The following MYOM2 variants were observed in gnomAD, a reference collection of about 807,000 sequenced individuals.
The protein encoded by MYOM2 is myomesin 2, also known as myomesin-2.
Under a neutral mutation model 187.6 loss-of-function variants are expected in MYOM2, and 254 were observed. That is an observed-to-expected ratio of 1.35 (90% confidence interval 1.22 to 1.50). The LOEUF (loss-of-function observed/expected upper bound fraction) is 1.50. Among genes scored for constraint, MYOM2 ranks in the 40% most tolerant of loss-of-function variants. The probability of loss-of-function intolerance (pLI) is 0.00; values close to 1 mark genes in which losing one functional copy is unlikely to be tolerated. For missense variants in MYOM2, 2,796 were observed against 1,924.0 expected (o/e 1.45, Z -8.48); for synonymous variants, 981 against 753.8 (o/e 1.30, Z -4.94).
At chr8:2,073,745 C>T (rs1407480574) in intron 10 of MYOM2, among the ~76,000 whole-genome samples, 1 of 152,210 alleles carries the variant, frequency 6.6e-6, no homozygotes, top group Non-Finnish European at 1.5e-5. Context: ...TTTTTTGTCT[C>T]TTGAATCGTT....
At chr8:2,052,394 C>T (rs17757454) in intron 3 of MYOM2, 81 bp downstream of exon 3, 25,731 of 1,413,400 alleles carry the variant, frequency 0.018, 1,072 homozygotes, top group East Asian at 0.13. Flanking sequence ...GAGGGAAGAG[C>T]GACCTTAGCT....
chr8:2,092,057 A>T (rs953699947), intron 15 of MYOM2, among the ~76,000 whole-genome samples: 1 of 112,108 alleles, frequency 8.9e-6, no homozygotes, highest in African/African-American at 3.1e-5. Flanking sequence ...GCCAACAGAG[A>T]GTCTTTTAAA....
At chr8:2,070,964 T>TTTTA (rs996058428) in intron 8 of MYOM2, among the ~76,000 whole-genome samples, 1 of 151,912 alleles carries the variant, frequency 6.6e-6, no homozygotes, top group South Asian at 2.1e-4. Context: ...AATTTTTTAT[T>TTTTA]TTTATTTATT....
intron 32 of MYOM2, among the ~76,000 whole-genome samples, chr8:2,134,005 C>CATCTTAGGTA: frequency 6.6e-6 from 1 of 150,460 alleles, no homozygotes; most frequent in East Asian, 2.0e-4. Flanking sequence ...CTGAGGTTAA[C>CATCTTAGGTA]GCCTTGTGTA....
intron 15 of MYOM2, among the ~76,000 whole-genome samples, chr8:2,091,937 G>C (rs573018502): frequency 6.6e-6 from 1 of 152,294 alleles, no homozygotes; most frequent in African/African-American, 2.4e-5. Flanking sequence ...CGAATTTTGA[G>C]TGCCCCTCGG....
chr8:2,048,892 C>A (rs1009652136), intron 1 of MYOM2, among the ~76,000 whole-genome samples: 7 of 151,934 alleles, frequency 4.6e-5, no homozygotes, highest in African/African-American at 1.7e-4. Flanking sequence ...CAGGTTCACG[C>A]CATTCTCCTG....
rs73657724 is a variant in MYOM2, at chr8:2,096,230, G to A, written c.2126-17G>A. 7.9e-3 allele frequency: 12,766 copies of A among 1,608,144 alleles called. 841 individuals are homozygous for A. The African/African-American group carries it at 0.15, about 19-fold the overall frequency. On this transcript the variant is annotated splice_polypyrimidine_tract_variant and intron_variant, in intron 17 of 36. Coordinates refer to ENST00000262113, the MANE Select transcript of MYOM2 (RefSeq NM_003970.4). ...AGCTGAGGCCCTCGGTAACTCCCTG[G>A]TTGTGCTTCCTTGCAGCCGTCCCGT...
chr8:2,122,280 G>T (rs908163530), intron 28 of MYOM2, among the ~76,000 whole-genome samples: 8 of 152,192 alleles, frequency 5.3e-5, no homozygotes, highest in Admixed American at 5.2e-4. Context: ...TGATTTAGAA[G>T]GAAGACACTA....
chr8:2,139,219 C>T (rs1278330631), intron 32 of MYOM2, among the ~76,000 whole-genome samples: 2 of 152,230 alleles, frequency 1.3e-5, no homozygotes, highest in Non-Finnish European at 2.9e-5. Flanking sequence ...CAGCTCACTG[C>T]AGCCTTGACC....
At chr8:2,066,568 G>A (rs1195059950) in intron 6 of MYOM2, among the ~76,000 whole-genome samples, 5 of 152,194 alleles carry the variant, frequency 3.3e-5, no homozygotes, top group African/African-American at 9.6e-5. Flanking sequence ...AGTAACATGA[G>A]CACAAAGTAA....
chr8:2,086,259 C>CCT (rs1428707454), intron 14 of MYOM2, among the ~76,000 whole-genome samples: 2 of 125,768 alleles, frequency 1.6e-5, no homozygotes, highest in African/African-American at 2.8e-5. Flanking sequence ...TGCGTGGCCC[C>CCT]ACTGTCATGA....
At chr8:2,143,364 C>A (rs1231063659) in intron 35 of MYOM2, 37 bp from the exon 36 acceptor site, 6 of 1,613,736 alleles carry the variant, frequency 3.7e-6, no homozygotes, top group Non-Finnish European at 5.1e-6. Flanking sequence ...GAACGTCCCG[C>A]AGATGTTTTC....
In MYOM2 at chr8:2,089,994, G is replaced by C. The variant is rs745675009; in HGVS notation, c.1645-14G>C. The C allele has an allele frequency of 6.2e-7, 1 of 1,612,704 alleles. No homozygotes were observed. The highest frequency in any genetic ancestry group is 8.5e-7 in the Non-Finnish European group (1 of 1,179,138). On this transcript the variant is annotated splice_polypyrimidine_tract_variant and intron_variant, in intron 14 of 36. Coordinates refer to ENST00000262113, the MANE Select transcript of MYOM2 (RefSeq NM_003970.4). Reference sequence around the variant, plus strand: ...GGTTTTCACTGCCAGTCTCGTTTCTGTTTCTCTTTGTAGTCCGTGGTGGGG... The same window carrying C: ...GGTTTTCACTGCCAGTCTCGTTTCTCTTTCTCTTTGTAGTCCGTGGTGGGG...
rs139916498 is a variant in MYOM2 at position 2,090,163 on chromosome 8, G to A, written c.1800G>A (p.Thr600=). ...GCCTGAGCGAACCTTCGGAGATAAC[G>A]TCCCCCATTCAGGCCCAGGATGTGA... is the stretch of plus-strand genomic sequence containing the variant. ...RHGLSEPSEI[T]SPIQAQDVTV... Residue 600 remains threonine (T), a synonymous_variant, in exon 15 of 37, where the codon ACG becomes ACA. Transcript: ENST00000262113. The A allele has an allele frequency of 1.2e-4, 199 of 1,613,898 alleles. No individual in the cohort carries two copies. Among genetic ancestry groups the A allele is most frequent in the African/African-American group, 1.7e-4 (13 of 75,026 alleles).
chr8:2,116,375 C>G lies in MYOM2; in HGVS notation c.3385+100C>G, dbSNP rs543531908. Reference sequence around the variant, plus strand: ...AGATCTTGCATGATCCCAAGCAACCCTAAAGGCTGTTTTAAATGATTAAGA... The same window carrying G: ...AGATCTTGCATGATCCCAAGCAACCGTAAAGGCTGTTTTAAATGATTAAGA... On this transcript the variant is annotated intron_variant, in intron 27 of 36. Transcript: ENST00000262113. The G allele has an allele frequency of 8.9e-5, 104 of 1,165,446 alleles. 1 individual carries two copies. The highest frequency in any genetic ancestry group is 1.1e-4 in the Non-Finnish European group (87 of 827,088). The allele number at this position is 1,165,446 out of a possible 1,614,324, so 72.2% of individuals were successfully genotyped here. A position where few individuals can be genotyped will look rare whatever the true frequency, so the allele number is the denominator to read the frequency against.
rs916517891 is a variant in MYOM2 at position 2,131,312 on chromosome 8, G to T, written c.3800+2080G>T. 3.3e-5 allele frequency among the ~76,000 whole-genome samples: 5 copies of T among 152,074 alleles called. No homozygotes were observed. In the East Asian group the frequency reaches 9.6e-4, roughly 29 times the overall value. ...CCACATTTTATAGATGTGGAAACTG[G>T]GGTTCAGGGAGAGAAACATGTCATT... On this transcript the variant is annotated intron_variant, in intron 32 of 36. Transcript: ENST00000262113.
chr8:2,048,992 C>T (rs1393109408), intron 1 of MYOM2, among the ~76,000 whole-genome samples: 2 of 151,980 alleles, frequency 1.3e-5, no homozygotes, highest in East Asian at 3.9e-4. Flanking sequence ...GGGGTTTCAC[C>T]ATCTTAGCCA....
At position 2,093,874 on chromosome 8, in the gene MYOM2, A is replaced by C. The variant is rs1012346430; in HGVS notation, c.2004-96A>C. 6 of 1,482,838 alleles carry C rather than the reference A, an allele frequency of 4.0e-6. No individual in the cohort carries two copies. The Admixed American group carries it at 1.0e-4, about 26-fold the overall frequency. 91.9% of individuals were successfully genotyped at this position (1,482,838 alleles called of 1,614,324 possible). A position where few individuals can be genotyped will look rare whatever the true frequency, so the allele number is the denominator to read the frequency against. The stretch of plus-strand genomic sequence containing the variant: ...ATGAAGGATGTATGTTATCCATAAA[A>C]ATTTTTTATGGCGCGTTCAGGGTGA... On this transcript the variant is annotated intron_variant, in intron 16 of 36. Coordinates refer to ENST00000262113, the MANE Select transcript of MYOM2 (RefSeq NM_003970.4).
intron 17 of MYOM2, among the ~76,000 whole-genome samples, chr8:2,094,742 A>T (rs1009364572): frequency 2.0e-5 from 3 of 152,220 alleles, no homozygotes; most frequent in South Asian, 4.1e-4. Context: ...AGCTGTTCTC[A>T]GTTCTAGGAA....
Sources: allele counts gnomAD v4.1 joint callset (sites outside exome capture counted in the v4.1 genomes callset), GRCh38; gene constraint gnomAD v4.1.1; transcripts MANE v1.5; gene names NCBI Gene and HGNC (gene_info 2026-07-23, HGNC 2026-07-21).